MIER1: variants seen among roughly 807,000 people sequenced by gnomAD.
The protein encoded by MIER1 is mesoderm induction early response protein 1.
Under a neutral mutation model 75.7 loss-of-function variants are expected in MIER1, and 40 were observed. The ratio of observed to expected loss-of-function variants is 0.53; its 90% CI spans 0.41 to 0.69. The LOEUF (loss-of-function observed/expected upper bound fraction) is 0.69. Among genes scored for constraint, MIER1 ranks in the 30% least tolerant of loss-of-function variants. The pLI is 0.00. For missense variants in MIER1, 574 were observed against 680.2 expected (o/e 0.84, Z 1.74); for synonymous variants, 213 against 223.4 (o/e 0.95, Z 0.42).
rs747124817 is a variant in MIER1 at position 66,958,229 on chromosome 1, A to G, written c.501+9A>G. Reference sequence around the variant, plus strand: ...GTAGTGGGGAAAATAAAGTAAGTCTATATACATATATTTAAGATTGTAGTC... The same window carrying G: ...GTAGTGGGGAAAATAAAGTAAGTCTGTATACATATATTTAAGATTGTAGTC... On this transcript the variant is annotated intron_variant, in intron 5 of 13. Transcript: ENST00000401041. The G allele has an allele frequency of 5.1e-6, 8 of 1,580,296 alleles. No individual in the cohort carries two copies. The highest frequency in any genetic ancestry group is 2.2e-5 in the East Asian group (1 of 44,518).
intron 12 of MIER1, 110 bp from the exon 13 acceptor site, chr1:66,981,669 G>A (rs1665911259): frequency 1.3e-6 from 1 of 791,750 alleles, no homozygotes; most frequent in Non-Finnish European, 2.0e-6. Flanking sequence ...TGGAATGAAT[G>A]TTAAGTGAAT....
intron 3 of MIER1, among the ~76,000 whole-genome samples, chr1:66,945,724 T>C (rs1177634941): frequency 6.6e-6 from 1 of 152,016 alleles, no homozygotes; most frequent in Non-Finnish European, 1.5e-5. Context: ...AAATTAGCTG[T>C]GTGTTGTGGT....
intron 2 of MIER1, among the ~76,000 whole-genome samples, chr1:66,931,015 AGCT>A (rs1295848242): frequency 6.6e-6 from 1 of 151,998 alleles, no homozygotes; most frequent in African/African-American, 2.4e-5. Context: ...ACAACCTCTG[AGCT>A]GCTTTTCCAC....
Position 66,972,935 on chromosome 1 carries a change from T to G in MIER1, c.1045T>G (p.Phe349Val). The change falls in exon 11 of 14, where the codon TTT (phenylalanine) becomes GTT (valine). Residue 349 changes from phenylalanine (F) to valine (V), a missense_variant. By Grantham distance (50) the Phe-to-Val change is conservative. Around this residue, in one of 3 missense-constraint regions of MIER1, gnomAD observed 101 missense variants for 173.1 expected, o/e 0.58. Coordinates refer to ENST00000401041, the MANE Select transcript of MIER1 (RefSeq NM_001077700.3). ...TTGGACAGAGGAAGAGTGTAGAAAT[T>G]TTGAACAAGGGCTGAAGGCCTATGG... is the stretch of plus-strand genomic sequence containing the variant. The part of the protein sequence containing the change: ...SVWTEEECRN[F>V]EQGLKAYGKD... 1 of 1,608,628 alleles carries G rather than the reference T, an allele frequency of 6.2e-7. No individual in the cohort carries two copies. Among genetic ancestry groups the G allele is most frequent in the Non-Finnish European group, 8.5e-7 (1 of 1,175,448 alleles).
intron 12 of MIER1, among the ~76,000 whole-genome samples, chr1:66,980,106 A>G (rs1402466903): frequency 2.0e-5 from 3 of 152,102 alleles, no homozygotes; most frequent in Non-Finnish European, 4.4e-5. Flanking sequence ...CATTCCCACT[A>G]TAACGTATTT....
intron 7 of MIER1, chr1:66,959,948 G>T: frequency 3.6e-6 from 1 of 279,732 alleles, no homozygotes. Context: ...GGCGGGGTGT[G>T]GTGGCTCACG....
chr1:66,947,040 T>A lies in MIER1; in HGVS notation c.339+745T>A, dbSNP rs190370417. 3.7e-5 allele frequency: 36 copies of A among 977,282 alleles called. No homozygotes were observed. In the Admixed American group the frequency reaches 1.6e-3, roughly 43 times the overall value. 60.5% of individuals were successfully genotyped at this position (977,282 alleles called of 1,614,324 possible). On this transcript the variant is annotated intron_variant, in intron 4 of 13. Coordinates refer to ENST00000401041, the MANE Select transcript of MIER1 (RefSeq NM_001077700.3). ...GATCAGTGCTCCTCAAAATGTAGTA[T>A]GAGGGTCAGTTGCATCAGAATCAAC...
In MIER1 at chr1:66,974,425, G is replaced by GT. The variant is rs560980878; in HGVS notation, c.1101+1444dup. On this transcript the variant is annotated intron_variant, in intron 11 of 13. Transcript: ENST00000401041. Reference sequence around the variant, plus strand: ...GAAAGGGACAACATTTTTGGATGAGGTTTTTTTTTTGTTGTTGTTGTTGTT... The same window carrying GT: ...GAAAGGGACAACATTTTTGGATGAGGTTTTTTTTTTTGTTGTTGTTGTTGTT... Among the ~76,000 whole-genome samples the GT allele has an allele frequency of 5.5e-3, 819 of 148,752 alleles. 5 individuals carry two copies. Among genetic ancestry groups the GT allele is most frequent in the African/African-American group, 0.016 (655 of 40,798 alleles).
At chr1:66,954,571 T>C (rs1570316489) in intron 4 of MIER1, among the ~76,000 whole-genome samples, 1 of 152,256 alleles carries the variant, frequency 6.6e-6, no homozygotes, top group African/African-American at 2.4e-5. Flanking sequence ...GTGCCAGTTC[T>C]ATTACGATTG....
At chr1:66,983,446 A>G (rs1469624455) in intron 13 of MIER1, among the ~76,000 whole-genome samples, 1 of 152,018 alleles carries the variant, frequency 6.6e-6, no homozygotes, top group East Asian at 1.9e-4. Flanking sequence ...AAGCAATTAA[A>G]TTGTAATTAT....
At chr1:66,979,435 AAACAGCCT>A (rs1248065292) in intron 12 of MIER1, among the ~76,000 whole-genome samples, 5 of 152,324 alleles carry the variant, frequency 3.3e-5, no homozygotes, top group African/African-American at 7.2e-5. Context: ...TTCTGCCTAC[AAACAGCCT>A]TTGAAAGATT....
intron 7 of MIER1, among the ~76,000 whole-genome samples, chr1:66,962,547 G>A (rs1661467296): frequency 6.6e-6 from 1 of 152,100 alleles, no homozygotes; most frequent in Non-Finnish European, 1.5e-5. Flanking sequence ...GCTGTGTGTG[G>A]TGGCATGTGC....
chr1:66,955,704 G>A (rs1248558606), intron 4 of MIER1, among the ~76,000 whole-genome samples: 1 of 152,124 alleles, frequency 6.6e-6, no homozygotes, highest in African/African-American at 2.4e-5. Context: ...AGCTTTTCAT[G>A]AACTCTTAAG....
chr1:66,970,486 G>C (rs1427754107), intron 8 of MIER1, among the ~76,000 whole-genome samples: 1 of 152,138 alleles, frequency 6.6e-6, no homozygotes, highest in Admixed American at 6.5e-5. Flanking sequence ...TGAGACAGAA[G>C]GGAAATAATT....
chr1:66,983,643 T>C (rs1015934832), intron 13 of MIER1, among the ~76,000 whole-genome samples: 43 of 152,244 alleles, frequency 2.8e-4, no homozygotes, highest in Non-Finnish European at 2.6e-4. Context: ...TTTAGCACTT[T>C]CAAGTATATG....
chr1:66,943,701 T>C (rs563419556), intron 3 of MIER1, among the ~76,000 whole-genome samples: 16 of 152,150 alleles, frequency 1.1e-4, no homozygotes, highest in Non-Finnish European at 2.2e-4. Flanking sequence ...ATTACAGACA[T>C]GAGCCACTGC....
intron 4 of MIER1, among the ~76,000 whole-genome samples, chr1:66,956,971 T>G (rs1660257152): frequency 6.6e-6 from 1 of 152,246 alleles, no homozygotes; most frequent in Non-Finnish European, 1.5e-5. Flanking sequence ...CTAGACTTAC[T>G]TCTTTCCATG....
rs1244617291 is a variant in MIER1, at chr1:66,988,019, T to C, written c.*3119T>C. On this transcript the variant is annotated 3_prime_UTR_variant, in exon 14 of 14. Transcript: ENST00000401041. ...ATTATGTTTTGCAAAATAAAACTTG[T>C]TTTGTCACAATATTTTCTTTGCTAT... is the stretch of plus-strand genomic sequence containing the variant. 1 of 152,072 alleles carries C rather than the reference T, an allele frequency of 6.6e-6. No individual in the cohort carries two copies. The highest frequency in any genetic ancestry group is 1.5e-5 in the Non-Finnish European group (1 of 67,792). The allele number at this position is 152,072 out of a possible 1,614,324, so 9.4% of individuals were successfully genotyped here. A position where few individuals can be genotyped will look rare whatever the true frequency, so the allele number is the denominator to read the frequency against.
intron 12 of MIER1, among the ~76,000 whole-genome samples, chr1:66,980,093 A>G (rs558441889): frequency 5.1e-4 from 78 of 152,162 alleles, no homozygotes; most frequent in Admixed American, 2.4e-3. Flanking sequence ...CCTTCATATT[A>G]TCCATTCCCA....
Sources: gnomAD v4.1 joint callset for allele counts (sites outside exome capture counted in the v4.1 genomes callset) on GRCh38, gnomAD v4.1.1 for gene constraint, gnomAD v4.1.1 regional missense constraint, MANE v1.5 for transcripts, NCBI Gene and HGNC (gene_info 2026-07-23, HGNC 2026-07-21) for gene names.